Variants in SUFU observed in about 807,000 individuals in gnomAD.
The protein encoded by SUFU is suppressor of fused homolog.
In SUFU, 7 loss-of-function variants were observed where a neutral mutation model predicts 58.9. The observed-to-expected ratio is 0.12, with a 90% CI of 0.07 to 0.22. SUFU has a LOEUF of 0.22. Ranked by LOEUF, SUFU falls within the 10% of genes least tolerant of loss-of-function variation. The pLI is 1.00. For synonymous variants in SUFU, 232 were observed against 254.8 expected, an observed-to-expected ratio of 0.91 and a Z score of 0.85; for missense variants, 451 against 641.3, an observed-to-expected ratio of 0.70 and a Z score of 3.20.
intron 2 of SUFU, among the ~76,000 whole-genome samples, chr10:102,523,002 A>G (rs997173702): frequency 1.3e-5 from 2 of 152,090 alleles, no homozygotes; most frequent in African/African-American, 4.8e-5. Context: ...CTTGAGGCCT[A>G]GTGGAGGGCT....
intron 1 of SUFU, 65 bp from the exon 2 acceptor site, chr10:102,509,104 G>A (rs1252051769): frequency 1.8e-5 from 28 of 1,599,478 alleles, no homozygotes; most frequent in East Asian, 2.3e-5. Context: ...AAAGTAGAGC[G>A]CCTTAGCTTG....
At chr10:102,576,204 C>G (rs1271941943) in intron 3 of SUFU, among the ~76,000 whole-genome samples, 1 of 152,090 alleles carries the variant, frequency 6.6e-6, no homozygotes, top group Non-Finnish European at 1.5e-5. Flanking sequence ...GACCACCCCA[C>G]CCAATCTCAG....
At chr10:102,607,012 G>A (rs2063568263) in intron 8 of SUFU, among the ~76,000 whole-genome samples, 1 of 151,994 alleles carries the variant, frequency 6.6e-6, no homozygotes, top group Admixed American at 6.6e-5. Context: ...AATACCTGAT[G>A]TATTTGAATG....
chr10:102,578,623 G>A (rs2063239962), intron 3 of SUFU, among the ~76,000 whole-genome samples: 2 of 151,620 alleles, frequency 1.3e-5, no homozygotes, highest in African/African-American at 4.8e-5. Flanking sequence ...CAGGAGAACT[G>A]CTTGGACCTG....
chr10:102,522,892 C>T (rs935340540), intron 2 of SUFU, among the ~76,000 whole-genome samples: 3 of 152,128 alleles, frequency 2.0e-5, no homozygotes, highest in South Asian at 2.1e-4. Context: ...GCTGAAGGGT[C>T]CTTGAGCTAG....
Position 102,554,009 on chromosome 10 carries a change from C to T in SUFU, c.454+3903C>T, listed in dbSNP as rs139513018. 8.8e-4 allele frequency among the ~76,000 whole-genome samples: 134 copies of T among 152,294 alleles called. 4 individuals are homozygous for T. The East Asian group carries it at 0.023, about 26-fold the overall frequency. On this transcript the variant is annotated intron_variant, in intron 3 of 11. Coordinates refer to ENST00000369902, the MANE Select transcript of SUFU (RefSeq NM_016169.4). The stretch of plus-strand genomic sequence containing the variant: ...TCAGGAGGCTGAGGTGGGAGGATTA[C>T]GCATAAGCCTGGAAGGTACAGGCAG...
At chr10:102,541,875 A>ATTTT (rs58231037) in intron 2 of SUFU, among the ~76,000 whole-genome samples, 14 of 86,516 alleles carry the variant, frequency 1.6e-4, no homozygotes, top group South Asian at 4.3e-4. Context: ...TGCCCGGCTA[A>ATTTT]TTTTTTTTTT....
intron 2 of SUFU, among the ~76,000 whole-genome samples, chr10:102,546,048 T>C (rs374414680): frequency 3.3e-4 from 50 of 152,362 alleles, no homozygotes; most frequent in African/African-American, 1.1e-3. Context: ...GGATGCTCAC[T>C]GATACCTTCT....
At chr10:102,551,765 C>T (rs2062919467) in intron 3 of SUFU, among the ~76,000 whole-genome samples, 1 of 141,718 alleles carries the variant, frequency 7.1e-6, no homozygotes, top group Non-Finnish European at 1.5e-5. Flanking sequence ...CACTCTGTCC[C>T]CCAGGCTGGA....
chr10:102,546,990 G>C (rs536407493), intron 2 of SUFU, among the ~76,000 whole-genome samples: 1 of 152,382 alleles, frequency 6.6e-6, no homozygotes, highest in South Asian at 2.1e-4. Flanking sequence ...GTGGTGCTGT[G>C]TGGATGCATC....
At chr10:102,582,586 A>G (rs1056998242) in intron 3 of SUFU, among the ~76,000 whole-genome samples, 17 of 152,274 alleles carry the variant, frequency 1.1e-4, no homozygotes, top group Admixed American at 3.3e-4. Flanking sequence ...GTTCTTGCCC[A>G]GGAGTTGTTT....
At chr10:102,536,936 G>A (rs867475013) in intron 2 of SUFU, among the ~76,000 whole-genome samples, 2 of 151,782 alleles carry the variant, frequency 1.3e-5, no homozygotes, top group Non-Finnish European at 2.9e-5. Context: ...TCAGCCTCCC[G>A]AATAGCTGGG....
At position 102,543,701 on chromosome 10, in the gene SUFU, T is replaced by C. The variant is rs140263443; in HGVS notation, c.318-6269T>C. 4.1e-4 allele frequency among the ~76,000 whole-genome samples: 63 copies of C among 152,340 alleles called. 2 individuals carry two copies. The East Asian group carries it at 0.01, about 24-fold the overall frequency. Reference sequence around the variant, plus strand: ...TATTATATATTACGAATTATACAATTTTTCCTGTAATATAAATAAAATCAT... The same window carrying C: ...TATTATATATTACGAATTATACAATCTTTCCTGTAATATAAATAAAATCAT... On this transcript the variant is annotated intron_variant, in intron 2 of 11. Coordinates refer to ENST00000369902, the MANE Select transcript of SUFU (RefSeq NM_016169.4).
In SUFU at chr10:102,577,334, A is replaced by AT. The variant is rs1032028774; in HGVS notation, c.455-15239dup. ...TTAAAGCTTCAAAGGATTTCCTGGG[A>AT]TTTTTTTTTCTTGTTTCTTTTTTTT... On this transcript the variant is annotated intron_variant, in intron 3 of 11. Coordinates refer to ENST00000369902, the MANE Select transcript of SUFU (RefSeq NM_016169.4). Among the ~76,000 whole-genome samples, 77 of 149,752 alleles carry AT rather than the reference A, an allele frequency of 5.1e-4. No homozygotes were observed. In the East Asian group the frequency reaches 0.014, roughly 27 times the overall value.
chr10:102,504,794 T>C (rs1275751710), intron 1 of SUFU, among the ~76,000 whole-genome samples: 1 of 126,360 alleles, frequency 7.9e-6, no homozygotes, highest in Non-Finnish European at 1.7e-5. Context: ...CTGCATAGAA[T>C]GGGGGGTTCG....
At chr10:102,602,561 A>G (rs915637719) in intron 8 of SUFU, among the ~76,000 whole-genome samples, 4 of 152,244 alleles carry the variant, frequency 2.6e-5, no homozygotes, top group East Asian at 1.9e-4. Context: ...AAGCTATGTC[A>G]TAATTGGCTC....
intron 3 of SUFU, among the ~76,000 whole-genome samples, chr10:102,571,281 G>A (rs2135802614): frequency 6.6e-6 from 1 of 152,318 alleles, no homozygotes; most frequent in South Asian, 2.1e-4. Context: ...GCCAGTGACT[G>A]AGCTAAAGAG....
chr10:102,631,677 GAGATCC>G lies in SUFU; in HGVS notation c.*1525_*1530del. ...ACAGGGTGCAGGACTCCACTGATGAGAGATCCAGCCAAAGAGCTGCCCCCAGGGGTA... is the reference window on the plus strand; with the variant it reads ...ACAGGGTGCAGGACTCCACTGATGAGAGCCAAAGAGCTGCCCCCAGGGGTA... On this transcript the variant is annotated 3_prime_UTR_variant, in exon 12 of 12. Coordinates refer to ENST00000369902, the MANE Select transcript of SUFU (RefSeq NM_016169.4). 4.3e-6 allele frequency: 1 copy of G among 233,230 alleles called. No individual in the cohort carries two copies. The highest frequency in any genetic ancestry group is 2.2e-5 in the African/African-American group (1 of 45,292). The allele number at this position is 233,230 out of a possible 1,614,324, so 14.4% of individuals were successfully genotyped here.
In SUFU at chr10:102,504,195, C is replaced by T. The variant is rs761921681; in HGVS notation, c.43C>T (p.Pro15Ser). ...RPSGAPGPTA[P>S]PAPGPTAPPA... ...TAGCGGCGCCCCCGGCCCCACCGCG[C>T]CCCCGGCCCCTGGCCCGACTGCCCC... Residue 15 changes from proline to serine, a missense_variant, in exon 1 of 12, where the codon CCC (proline) becomes TCC (serine). By Grantham distance (74) the Pro-to-Ser change is moderately conservative. Transcript: ENST00000369902. The T allele has an allele frequency of 6.4e-7, 1 of 1,569,936 alleles. No homozygotes were observed. Among genetic ancestry groups the T allele is most frequent in the Non-Finnish European group, 8.6e-7 (1 of 1,160,008 alleles).
Sources: gnomAD v4.1 joint callset for allele counts (sites outside exome capture counted in the v4.1 genomes callset) on GRCh38, gnomAD v4.1.1 for gene constraint, MANE v1.5 for transcripts, NCBI Gene and HGNC (gene_info 2026-07-23, HGNC 2026-07-21) for gene names.